AHRR: variants seen among roughly 807,000 people sequenced by gnomAD.
The protein encoded by AHRR is aryl hydrocarbon receptor repressor.
Under a neutral mutation model 44.0 loss-of-function variants are expected in AHRR, and 28 were observed. The ratio of observed to expected loss-of-function variants is 0.64; its 90% CI spans 0.47 to 0.87. The LOEUF is 0.87. Among genes scored for constraint, AHRR ranks in the 40% least tolerant of loss-of-function variants. The pLI is 0.00. For missense variants in AHRR, 990 were observed against 953.9 expected (o/e 1.04, Z -0.50); for synonymous variants, 434 against 407.0 (o/e 1.07, Z -0.80).
intron 5 of AHRR, among the ~76,000 whole-genome samples, chr5:416,885 G>A (rs1319263796): frequency 1.3e-5 from 2 of 152,020 alleles, no homozygotes; most frequent in African/African-American, 4.8e-5. Context: ...TAGAGAAGGT[G>A]GCTTGGTCCA....
intron 1 of AHRR, among the ~76,000 whole-genome samples, chr5:324,135 C>G (rs983805748): frequency 3.3e-5 from 5 of 151,746 alleles, no homozygotes; most frequent in Admixed American, 1.3e-4. Context: ...TCTTGGCTCA[C>G]TGCAACCTCT....
Position 404,036 on chromosome 5 carries a change from GT to G in AHRR, c.352-9305del. ...TTTTTCTTAATCCACGGCTGAATCT[GT>G]TTAGTCTTTGCATCCAAATCATGTT... On this transcript the variant is annotated intron_variant, in intron 4 of 10. Transcript: ENST00000684583. The surrounding 1 kb of genome is among the most constrained non-coding windows in gnomAD (Gnocchi z 4.1). 1 of 758,122 alleles carries G rather than the reference GT, an allele frequency of 1.3e-6. No homozygotes were observed. Among genetic ancestry groups the G allele is most frequent in the Non-Finnish European group, 2.3e-6 (1 of 427,402 alleles). 47.0% of individuals were successfully genotyped at this position (758,122 alleles called of 1,614,324 possible). A position where few individuals can be genotyped will look rare whatever the true frequency, so the allele number is the denominator to read the frequency against.
intron 4 of AHRR, among the ~76,000 whole-genome samples, chr5:409,920 G>A (rs1395704812): frequency 6.6e-6 from 1 of 152,104 alleles, no homozygotes; most frequent in African/African-American, 2.4e-5. Context: ...GTTTGTGTCT[G>A]TTGTAGGTCT....
At chr5:349,747 G>A (rs1742799389) in intron 2 of AHRR, among the ~76,000 whole-genome samples, 1 of 152,166 alleles carries the variant, frequency 6.6e-6, no homozygotes, top group Non-Finnish European at 1.5e-5. Context: ...GTAGTTTAAA[G>A]CACCTTGAAG....
intron 3 of AHRR, among the ~76,000 whole-genome samples, chr5:372,702 G>A (rs191280916): frequency 6.6e-6 from 1 of 152,284 alleles, no homozygotes; most frequent in East Asian, 1.9e-4. Context: ...CCCTACCAGG[G>A]AATTGGCTTC....
At position 326,885 on chromosome 5, in the gene AHRR, C is replaced by T. The variant is rs1741731103; in HGVS notation, c.-11+5066C>T. Among the ~76,000 whole-genome samples, 1 of 152,060 alleles carries T rather than the reference C, an allele frequency of 6.6e-6. No individual in the cohort carries two copies. The highest frequency in any genetic ancestry group is 1.5e-5 in the Non-Finnish European group (1 of 68,016). On this transcript the variant is annotated intron_variant, in intron 1 of 10. Transcript: ENST00000684583. The surrounding 1 kb of genome is among the most constrained non-coding windows in gnomAD (Gnocchi z 4.1). ...ACCAGCCTGACCAATATGGTGAAAC[C>T]CCATCTCTACCAAAAATACAAAAAT...
At position 411,379 on chromosome 5, in the gene AHRR, T is replaced by C. The variant is rs181635057; in HGVS notation, c.352-1965T>C. Among the ~76,000 whole-genome samples, 1 of 152,164 alleles carries C rather than the reference T, an allele frequency of 6.6e-6. No individual in the cohort carries two copies. Among genetic ancestry groups the C allele is most frequent in the Admixed American group, 6.5e-5 (1 of 15,286 alleles). On this transcript the variant is annotated intron_variant, in intron 4 of 10. Coordinates refer to ENST00000684583, the MANE Select transcript of AHRR (RefSeq NM_001377236.1). The surrounding 1 kb of genome is among the most constrained non-coding windows in gnomAD (Gnocchi z 4.2). The stretch of plus-strand genomic sequence containing the variant: ...TGTGTAGCTGCACCTGTTCTTACCA[T>C]TCTCCGTCATTTTGTGGAATGTTGT...
At chr5:322,707 T>C (rs1168056737) in intron 1 of AHRR, 1 of 152,146 alleles carries the variant, frequency 6.6e-6, no homozygotes, top group Non-Finnish European at 1.5e-5. Flanking sequence ...CTGGCGGCGT[T>C]TGGACTCGGG....
Position 406,122 on chromosome 5 carries a change from A to G in AHRR, c.352-7222A>G, listed in dbSNP as rs1735245739. Among the ~76,000 whole-genome samples the G allele has an allele frequency of 6.6e-6, 1 of 152,234 alleles. No homozygotes were observed. The highest frequency in any genetic ancestry group is 1.5e-5 in the Non-Finnish European group (1 of 68,040). Reference sequence around the variant, plus strand: ...AACTAGGGAGAAAACGGGAAAGGAAAGGCATTGTCCGGAAGAAGCCTCTTG... The same window carrying G: ...AACTAGGGAGAAAACGGGAAAGGAAGGGCATTGTCCGGAAGAAGCCTCTTG... On this transcript the variant is annotated intron_variant, in intron 4 of 10. Coordinates refer to ENST00000684583, the MANE Select transcript of AHRR (RefSeq NM_001377236.1). The surrounding 1 kb of genome is among the most constrained non-coding windows in gnomAD (Gnocchi z 4.7).
chr5:423,649 G>T (rs957960665), intron 6 of AHRR, among the ~76,000 whole-genome samples, 192 bp from the exon 7 acceptor site: 2 of 152,196 alleles, frequency 1.3e-5, no homozygotes, highest in Admixed American at 1.3e-4. Flanking sequence ...TACTAAAAAC[G>T]ATGTTTTTAA....
chr5:322,855 C>CG (rs944629855), intron 1 of AHRR, among the ~76,000 whole-genome samples: 160 of 152,288 alleles, frequency 1.1e-3, no homozygotes, highest in African/African-American at 3.4e-3. Flanking sequence ...GCCGCTTCGA[C>CG]GGGGGGGACG....
chr5:390,006 G>A (rs2126467751), intron 4 of AHRR, among the ~76,000 whole-genome samples: 1 of 151,584 alleles, frequency 6.6e-6, no homozygotes, highest in South Asian at 2.1e-4. Flanking sequence ...AATGCAGACA[G>A]GACAGGACAG....
At position 337,769 on chromosome 5, in the gene AHRR, C is replaced by T. The variant is rs901753658; in HGVS notation, c.-10-6124C>T. ...GGGCTCCCTTCCCAAAGCTGGGGCT[C>T]GGGCCTCATTGGAGGAGGTGTAGGT... is the stretch of plus-strand genomic sequence containing the variant. On this transcript the variant is annotated intron_variant, in intron 1 of 10. Transcript: ENST00000684583. The surrounding 1 kb of genome is among the most constrained non-coding windows in gnomAD (Gnocchi z 4.1). Among the ~76,000 whole-genome samples, 12 of 152,042 alleles carry T rather than the reference C, an allele frequency of 7.9e-5. No individual in the cohort carries two copies. The highest frequency in any genetic ancestry group is 1.2e-4 in the Non-Finnish European group (8 of 68,006).
At chr5:432,273 A>C (rs1736763857) in intron 8 of AHRR, 190 bp from the exon 9 acceptor site, 1 of 584,508 alleles carries the variant, frequency 1.7e-6, no homozygotes, top group Non-Finnish European at 3.0e-6. Flanking sequence ...TTTTCAGTAA[A>C]CCTGTAACTG....
chr5:428,355 A>G (rs1429326098), intron 8 of AHRR, among the ~76,000 whole-genome samples: 2 of 152,190 alleles, frequency 1.3e-5, no homozygotes, highest in African/African-American at 4.8e-5. Flanking sequence ...CCCGCCCTTC[A>G]CACCGTCTGT....
At chr5:329,643 G>A (rs928486126) in intron 1 of AHRR, among the ~76,000 whole-genome samples, 1 of 152,156 alleles carries the variant, frequency 6.6e-6, no homozygotes, top group Non-Finnish European at 1.5e-5. Context: ...GGATGTTTTC[G>A]TGTTTGTGTC....
intron 5 of AHRR, chr5:421,296 G>A (rs1234689477): frequency 1.4e-6 from 1 of 697,312 alleles, no homozygotes. Flanking sequence ...AGGCTGTTGC[G>A]CTGCAGGTGC....
At chr5:380,524 A>C (rs1383326725) in intron 4 of AHRR, among the ~76,000 whole-genome samples, 1 of 152,214 alleles carries the variant, frequency 6.6e-6, no homozygotes, top group African/African-American at 2.4e-5. Flanking sequence ...TGTAGTTTTC[A>C]GCATACATAT....
intron 3 of AHRR, among the ~76,000 whole-genome samples, chr5:366,382 G>A (rs1743361823): frequency 6.6e-6 from 1 of 151,918 alleles, no homozygotes; most frequent in African/African-American, 2.4e-5. Flanking sequence ...TGATAGTAAT[G>A]GGCTATACCC....
Sources: allele counts gnomAD v4.1 joint callset (sites outside exome capture counted in the v4.1 genomes callset), GRCh38; gene constraint gnomAD v4.1.1; non-coding constraint Gnocchi (gnomAD v3.1); transcripts MANE v1.5; gene names NCBI Gene and HGNC (gene_info 2026-07-23, HGNC 2026-07-21).